The following VIM variants were observed in gnomAD, a reference collection of about 807,000 sequenced individuals.
VIM encodes the protein vimentin.
A neutral mutation model predicts 50.3 loss-of-function variants in VIM; 18 were observed. The ratio of observed to expected loss-of-function variants is 0.36; its 90% CI spans 0.25 to 0.53. VIM has a LOEUF of 0.53. Among genes scored for constraint, VIM ranks in the 20% least tolerant of loss-of-function variants. The pLI is 0.91. For missense variants in VIM, 551 were observed against 614.7 expected, an observed-to-expected ratio of 0.90 and a Z score of 1.10; for synonymous variants, 245 against 248.5, an observed-to-expected ratio of 0.99 and a Z score of 0.13.
intron 2 of VIM, 167 bp downstream of exon 2, chr10:17,230,152 C>T: frequency 1.2e-6 from 1 of 823,206 alleles, no homozygotes; most frequent in Non-Finnish European, 1.8e-6. Flanking sequence ...TGGCGCAGCC[C>T]CGCCCAGAAC....
intron 1 of VIM, chr10:17,228,788 C>T (rs1846725086): frequency 6.5e-6 from 1 of 154,052 alleles, no homozygotes; most frequent in Non-Finnish European, 1.4e-5. Context: ...CGCGCCCCCA[C>T]CCCGCGTTCC....
intron 5 of VIM, chr10:17,234,160 GGCT>G: frequency 1.9e-6 from 1 of 513,894 alleles, no homozygotes; most frequent in South Asian, 2.2e-5. Flanking sequence ...CTACTGCCCA[GGCT>G]GGAGTGCAGT....
In VIM at chr10:17,230,107, C is replaced by G. The variant is rs116511811; in HGVS notation, c.563+122C>G. 4.5e-3 allele frequency: 5,690 copies of G among 1,250,986 alleles called. 149 individuals carry two copies. In the African/African-American group the frequency reaches 0.063, roughly 14 times the overall value. The allele number at this position is 1,250,986 out of a possible 1,614,324, so 77.5% of individuals were successfully genotyped here. Reference sequence around the variant, plus strand: ...GGGATGTGGCCGGGGGGAGGCCTGCCAGGGAGACAGCGGAGAGCGGGGCTG... The same window carrying G: ...GGGATGTGGCCGGGGGGAGGCCTGCGAGGGAGACAGCGGAGAGCGGGGCTG... On this transcript the variant is annotated intron_variant, in intron 2 of 9. Coordinates refer to ENST00000544301, the MANE Select transcript of VIM (RefSeq NM_003380.5).
chr10:17,230,988 C>T (rs1429221332), intron 3 of VIM: 4 of 408,760 alleles, frequency 9.8e-6, no homozygotes, highest in African/African-American at 4.1e-5. Context: ...CTGCATCCTC[C>T]GCCTCCCGGG....
intron 6 of VIM, 135 bp downstream of exon 6, chr10:17,234,953 A>G: frequency 7.3e-7 from 1 of 1,376,306 alleles, no homozygotes; most frequent in Non-Finnish European, 1.0e-6. Flanking sequence ...TTATCAAGAC[A>G]GACTCAAAAG....
rs1053733243 is a variant in VIM, at chr10:17,235,671, T to A, written c.1230-175T>A. 5.1e-5 allele frequency: 38 copies of A among 741,442 alleles called. No individual in the cohort carries two copies. In the African/African-American group the frequency reaches 5.8e-4, roughly 11 times the overall value. 45.9% of individuals were successfully genotyped at this position (741,442 alleles called of 1,614,324 possible). ...TGGAGAAAATGCTTGTAGTAACATA[T>A]TTTAAATGTACTAACAAGACCAGTC... On this transcript the variant is annotated intron_variant, in intron 7 of 9. Coordinates refer to ENST00000544301, the MANE Select transcript of VIM (RefSeq NM_003380.5).
chr10:17,233,505 A>G (rs1846830598), intron 3 of VIM, 82 bp from the exon 4 acceptor site: 1 of 1,389,064 alleles, frequency 7.2e-7, no homozygotes, highest in Non-Finnish European at 1.0e-6. Context: ...CTAGGTTCAG[A>G]TGGTTAATCT....
At chr10:17,232,761 A>G (rs974989920) in intron 3 of VIM, among the ~76,000 whole-genome samples, 3 of 152,214 alleles carry the variant, frequency 2.0e-5, no homozygotes, top group Non-Finnish European at 4.4e-5. Context: ...AAGTTTCAAA[A>G]GATTTGAGTG....
At chr10:17,230,109 G>C in intron 2 of VIM, 124 bp downstream of exon 2, 1 of 1,232,508 alleles carries the variant, frequency 8.1e-7, no homozygotes, top group Non-Finnish European at 1.1e-6. Flanking sequence ...AGGCCTGCCA[G>C]GGAGACAGCG....
intron 5 of VIM, chr10:17,234,138 CAG>C (rs758888790): frequency 6.4e-4 from 380 of 593,940 alleles, no homozygotes; most frequent in Non-Finnish European, 9.9e-4. Flanking sequence ...ATTTATGAGA[CAG>C]AGTCTTGCTC....
intron 3 of VIM, among the ~76,000 whole-genome samples, chr10:17,232,532 A>G (rs1458331108): frequency 6.6e-6 from 1 of 152,240 alleles, no homozygotes; most frequent in Non-Finnish European, 1.5e-5. Flanking sequence ...TACAGTGGCA[A>G]GTGAAAAAGA....
At position 17,234,718 on chromosome 10, in the gene VIM, A is replaced by G. The variant is rs752407631; in HGVS notation, c.908A>G (p.Asn303Ser). Residue 303 changes from asparagine to serine, a missense_variant, in exon 6 of 10, where the codon AAC (asparagine) becomes AGC (serine). Transcript: ENST00000544301. ...TTTGCTGACCTCTCTGAGGCTGCCA[A>G]CCGGAACAATGACGCCCTGCGCCAG... is the stretch of plus-strand genomic sequence containing the variant. The part of the protein sequence containing the change: ...SKFADLSEAA[N>S]RNNDALRQAK... 1.9e-5 allele frequency: 30 copies of G among 1,613,978 alleles called. No individual in the cohort carries two copies. The highest frequency in any genetic ancestry group is 2.3e-5 in the Non-Finnish European group (27 of 1,180,034).
chr10:17,230,691 C>G lies in VIM; in HGVS notation c.605C>G (p.Thr202Ser). 1.2e-6 allele frequency: 2 copies of G among 1,614,170 alleles called. No homozygotes were observed. Among genetic ancestry groups the G allele is most frequent in the Non-Finnish European group, 1.7e-6 (2 of 1,180,032 alleles). The change falls in exon 3 of 10, where the codon ACC (threonine) becomes AGC (serine). Residue 202 changes from threonine (T) to serine (S), a missense_variant. Physicochemically the swap from Thr to Ser is moderately conservative, Grantham distance 58. This residue lies in a region of VIM where 394 missense variants were observed against 437.5 expected (regional missense o/e 0.90). Transcript: ENST00000544301. Reference sequence around the variant, plus strand: ...CTTCAGAGAGAGGAAGCCGAAAACACCCTGCAATCTTTCAGACAGGTTTGT... The same window carrying G: ...CTTCAGAGAGAGGAAGCCGAAAACAGCCTGCAATCTTTCAGACAGGTTTGT... ...EMLQREEAEN[T>S]LQSFRQDVDN...
chr10:17,230,579 G>A lies in VIM; in HGVS notation c.564-71G>A, dbSNP rs772432234. 1.1e-5 allele frequency: 17 copies of A among 1,533,248 alleles called. No individual in the cohort carries two copies. The East Asian group carries it at 1.6e-4, about 14-fold the overall frequency. The allele number at this position is 1,533,248 out of a possible 1,614,324, so 95.0% of individuals were successfully genotyped here. A position where few individuals can be genotyped will look rare whatever the true frequency, so the allele number is the denominator to read the frequency against. ...TCTGGAGGCGCAGAGCGAATACGTG[G>A]TGTTTGGGTGTGGCCGCCCCGCCCC... On this transcript the variant is annotated intron_variant, in intron 2 of 9. Coordinates refer to ENST00000544301, the MANE Select transcript of VIM (RefSeq NM_003380.5).
intron 7 of VIM, 90 bp from the exon 8 acceptor site, chr10:17,235,756 A>C: frequency 5.6e-6 from 7 of 1,245,898 alleles, no homozygotes; most frequent in Non-Finnish European, 8.3e-6. Context: ...ACGTTTTCTT[A>C]CGTGACGAAA....
intron 9 of VIM, 77 bp downstream of exon 9, chr10:17,236,456 T>A: frequency 8.1e-7 from 1 of 1,231,598 alleles, no homozygotes; most frequent in Non-Finnish European, 1.2e-6. Context: ...AATCTGAATC[T>A]CAGATACAGC....
At chr10:17,234,100 CTTTA>C (rs368614774) in intron 5 of VIM, 169 bp downstream of exon 5, 25 of 714,614 alleles carry the variant, frequency 3.5e-5, no homozygotes, top group Middle Eastern at 3.5e-4. Context: ...ACATCACCTC[CTTTA>C]TTTATTTATT....
rs1248203642 is a variant in VIM at position 17,228,255 on chromosome 10, T to G, written c.-417T>G. ...AATCGTGATCTGGGAGGCCCACGTA[T>G]GGCGCCTCTCCAAAGGCTGCAGAAG... On this transcript the variant is annotated 5_prime_UTR_variant, in exon 1 of 10. An upstream start codon of the reference 5' UTR is lost. Coordinates refer to ENST00000544301, the MANE Select transcript of VIM (RefSeq NM_003380.5). 2 of 152,184 alleles carry G rather than the reference T, an allele frequency of 1.3e-5. No individual in the cohort carries two copies. Among genetic ancestry groups the G allele is most frequent in the African/African-American group, 4.8e-5 (2 of 41,434 alleles). 9.4% of individuals were successfully genotyped at this position (152,184 alleles called of 1,614,324 possible).
At chr10:17,233,987 C>T (rs1215610509) in intron 5 of VIM, 56 bp downstream of exon 5, 5 of 1,563,308 alleles carry the variant, frequency 3.2e-6, no homozygotes, top group Non-Finnish European at 4.3e-6. Flanking sequence ...TTCTCAAAAC[C>T]CCATACCTGT....
Sources: allele counts gnomAD v4.1 joint callset (sites outside exome capture counted in the v4.1 genomes callset), GRCh38; gene constraint gnomAD v4.1.1; regional missense constraint gnomAD v4.1.1; transcripts MANE v1.5; gene names NCBI Gene and HGNC (gene_info 2026-07-23, HGNC 2026-07-21).